The following BMAL1 variants were observed in gnomAD, a reference collection of about 807,000 sequenced individuals.
The protein encoded by BMAL1 is basic helix-loop-helix ARNT-like protein 1.
At chr11:13,277,526 C>T in the BMAL1 span, 1 of 152,314 alleles carries the variant, frequency 6.6e-6, no homozygotes, top group Non-Finnish European at 1.5e-5. Context: ...GGTAAACCGG[C>T]TCCCGCCGCC....
the BMAL1 span, chr11:13,378,421 C>T: frequency 6.2e-7 from 1 of 1,612,956 alleles, no homozygotes; most frequent in Non-Finnish European, 8.5e-7. Flanking sequence ...CGAATGATTG[C>T]TGAGGAAATC....
chr11:13,365,370 A>G, the BMAL1 span: 3 of 695,664 alleles, frequency 4.3e-6, no homozygotes, highest in Admixed American at 2.6e-5. Flanking sequence ...TGCACTCAGG[A>G]TATCACTGAA....
At chr11:13,303,657 C>G in the BMAL1 span, among the ~76,000 whole-genome samples, 3 of 152,284 alleles carry the variant, frequency 2.0e-5, no homozygotes, top group African/African-American at 4.8e-5. Flanking sequence ...GTGTCTCTGC[C>G]TTCTTCAAGG....
At chr11:13,311,232 A>T in the BMAL1 span, among the ~76,000 whole-genome samples, 2 of 152,220 alleles carry the variant, frequency 1.3e-5, no homozygotes, top group East Asian at 3.8e-4. Flanking sequence ...GCCTGAGAAG[A>T]TTAAGTCTAG....
chr11:13,362,136 G>A, the BMAL1 span, among the ~76,000 whole-genome samples: 1 of 152,180 alleles, frequency 6.6e-6, no homozygotes, highest in Non-Finnish European at 1.5e-5. Flanking sequence ...GCATTTGCTC[G>A]ATTCCTTCCA....
At chr11:13,284,671 C>G in the BMAL1 span, among the ~76,000 whole-genome samples, 1 of 151,968 alleles carries the variant, frequency 6.6e-6, no homozygotes, top group African/African-American at 2.4e-5. Flanking sequence ...GTATCTTTCT[C>G]ACACCTAAGC....
the BMAL1 span, among the ~76,000 whole-genome samples, chr11:13,288,428 T>TTTTTTA: frequency 1.9e-5 from 1 of 53,308 alleles, no homozygotes; most frequent in African/African-American, 6.2e-5. Context: ...TTTTTTCTTT[T>TTTTTTA]TTTTTTTTTT....
the BMAL1 span, chr11:13,356,420 TTAAC>T: frequency 5.4e-6 from 3 of 555,254 alleles, no homozygotes; most frequent in Non-Finnish European, 1.0e-5. Flanking sequence ...AATCCTATGG[TTAAC>T]TAAGCATTTT....
At chr11:13,386,466 C>A in the BMAL1 span, 1 of 983,244 alleles carries the variant, frequency 1.0e-6, no homozygotes, top group Non-Finnish European at 1.4e-6. Flanking sequence ...AGCCATGCAG[C>A]CCAAAAAGCA....
At chr11:13,317,863 G>A in the BMAL1 span, among the ~76,000 whole-genome samples, 1 of 152,218 alleles carries the variant, frequency 6.6e-6, no homozygotes, top group Non-Finnish European at 1.5e-5. Context: ...TCAGGCAGAG[G>A]TTGAAAACTG....
the BMAL1 span, among the ~76,000 whole-genome samples, chr11:13,327,085 G>T: frequency 2.0e-5 from 3 of 151,830 alleles, no homozygotes; most frequent in Non-Finnish European, 1.5e-5. Context: ...CTCCCAAAGT[G>T]CTGGGATTAC....
chr11:13,332,562 G>T, the BMAL1 span, among the ~76,000 whole-genome samples: 15 of 152,190 alleles, frequency 9.9e-5, no homozygotes, highest in Non-Finnish European at 2.1e-4. Flanking sequence ...TGGTAAAATA[G>T]TTTCTAGTTT....
chr11:13,381,875 A>T, the BMAL1 span, among the ~76,000 whole-genome samples: 1 of 152,152 alleles, frequency 6.6e-6, no homozygotes, highest in African/African-American at 2.4e-5. Context: ...GCCCATCTTA[A>T]TCGTAAATTA....
chr11:13,385,785 ATTC>A, the BMAL1 span: 1 of 1,609,190 alleles, frequency 6.2e-7, no homozygotes, highest in Non-Finnish European at 8.5e-7. Context: ...TAGTTCTTCT[ATTC>A]TTGGTAAGTG....
the BMAL1 span, among the ~76,000 whole-genome samples, chr11:13,357,298 G>C: frequency 6.6e-6 from 1 of 152,222 alleles, no homozygotes; most frequent in African/African-American, 2.4e-5. The surrounding 1 kb of genome is among the most constrained non-coding windows in gnomAD (Gnocchi z 4.8). Flanking sequence ...TTTACTCTTT[G>C]CTGTCTAAGC....
chr11:13,294,467 C>T, the BMAL1 span, among the ~76,000 whole-genome samples: 2 of 152,228 alleles, frequency 1.3e-5, no homozygotes, highest in Non-Finnish European at 1.5e-5. Flanking sequence ...CACAAATTAA[C>T]ACTCTCAAGC....
the BMAL1 span, chr11:13,366,910 G>A: frequency 2.7e-5 from 15 of 553,384 alleles, no homozygotes; most frequent in Non-Finnish European, 4.4e-5. Flanking sequence ...CCTCTTTCTG[G>A]GGCACCAGAG....
the BMAL1 span, among the ~76,000 whole-genome samples, chr11:13,303,369 T>TAATA: frequency 1.3e-5 from 2 of 152,200 alleles, no homozygotes; most frequent in African/African-American, 2.4e-5. Context: ...AGAGATCATA[T>TAATA]AATAAATGAC....
the BMAL1 span, among the ~76,000 whole-genome samples, chr11:13,364,017 C>G: frequency 6.6e-6 from 1 of 152,332 alleles, no homozygotes; most frequent in Non-Finnish European, 1.5e-5. Context: ...TCAGGCCTGA[C>G]CCTGCCCAGC....
Sources: allele counts gnomAD v4.1 joint callset (sites outside exome capture counted in the v4.1 genomes callset), GRCh38; gene constraint gnomAD v4.1.1; non-coding constraint Gnocchi (gnomAD v3.1); transcripts MANE v1.5; gene names NCBI Gene and HGNC (gene_info 2026-07-23, HGNC 2026-07-21).